ADAM18: variants seen among roughly 807,000 people sequenced by gnomAD.
ADAM18 encodes ADAM metallopeptidase domain 18.
A neutral mutation model predicts 94.4 loss-of-function variants in ADAM18; 117 were observed. The observed-to-expected ratio is 1.24, with a 90% CI of 1.07 to 1.45. ADAM18 has a LOEUF of 1.45. Among genes scored for constraint, ADAM18 ranks in the 40% most tolerant of loss-of-function variants. ADAM18 has a pLI of 0.00. For synonymous variants in ADAM18, 327 were observed against 291.6 expected (o/e 1.12, Z -1.24); for missense variants, 936 against 880.0 (o/e 1.06, Z -0.81).
chr8:39,607,303 T>G (rs1386613059), intron 3 of ADAM18, among the ~76,000 whole-genome samples: 1 of 152,186 alleles, frequency 6.6e-6, no homozygotes, highest in African/African-American at 2.4e-5. Flanking sequence ...ACTGTTTGTA[T>G]CTTGATTTGT....
chr8:39,711,847 T>A (rs1586006540), intron 18 of ADAM18, among the ~76,000 whole-genome samples: 1 of 151,848 alleles, frequency 6.6e-6, no homozygotes, highest in African/African-American at 2.4e-5. Context: ...GAAGGACTAT[T>A]TGAAGACATA....
intron 18 of ADAM18, among the ~76,000 whole-genome samples, chr8:39,707,765 A>G (rs1822281187): frequency 6.6e-6 from 1 of 152,172 alleles, no homozygotes; most frequent in African/African-American, 2.4e-5. Context: ...ATTTGTAAGT[A>G]TACATATACA....
chr8:39,600,064 G>A (rs1335939022), intron 2 of ADAM18, among the ~76,000 whole-genome samples: 1 of 152,002 alleles, frequency 6.6e-6, no homozygotes, highest in Non-Finnish European at 1.5e-5. Context: ...TGTAGATTTT[G>A]TTCAATGCCT....
At chr8:39,588,712 C>A (rs1818481774) in intron 2 of ADAM18, among the ~76,000 whole-genome samples, 1 of 152,076 alleles carries the variant, frequency 6.6e-6, no homozygotes, top group Admixed American at 6.6e-5. Flanking sequence ...GCCTTCTTGC[C>A]AAAGACCATT....
intron 18 of ADAM18, among the ~76,000 whole-genome samples, chr8:39,721,906 C>A (rs1349398555): frequency 2.0e-5 from 3 of 151,032 alleles, no homozygotes; most frequent in African/African-American, 4.8e-5. Context: ...TACTTGCTAG[C>A]TACCCAAAAG....
rs149216729 is a variant in ADAM18 at position 39,607,939 on chromosome 8, A to G, written c.189-1103A>G. ...ACCTTATTCCTCTTAAATAAATGCC[A>G]TATTCACTTATCTGAGTACTTAGTT... On this transcript the variant is annotated intron_variant, in intron 3 of 19. Coordinates refer to ENST00000265707, the MANE Select transcript of ADAM18 (RefSeq NM_014237.3). 6.3e-3 allele frequency among the ~76,000 whole-genome samples: 959 copies of G among 152,054 alleles called. 8 individuals carry two copies. The highest frequency in any genetic ancestry group is 0.022 in the African/African-American group (911 of 41,480).
intron 6 of ADAM18, among the ~76,000 whole-genome samples, chr8:39,612,766 C>A (rs1441368201): frequency 1.3e-5 from 2 of 152,302 alleles, no homozygotes; most frequent in East Asian, 3.9e-4. Context: ...CTCAGATGCC[C>A]AACCTGAATG....
intron 18 of ADAM18, among the ~76,000 whole-genome samples, chr8:39,719,510 G>T (rs1326804878): frequency 6.6e-6 from 1 of 151,090 alleles, no homozygotes; most frequent in African/African-American, 2.4e-5. Context: ...CCACTGTTAG[G>T]GGAATAAAAG....
At position 39,637,413 on chromosome 8, in the gene ADAM18, ATAACT is replaced by A. The variant is rs1820109711; in HGVS notation, c.660+82_660+86del. ...ATTTGGGTTCTATCTTGGCCAATGA[ATAACT>A]TAAATACTTTTTATTAGTTTAATAC... On this transcript the variant is annotated intron_variant, in intron 8 of 19. Coordinates refer to ENST00000265707, the MANE Select transcript of ADAM18 (RefSeq NM_014237.3). 3 of 1,441,730 alleles carry A rather than the reference ATAACT, an allele frequency of 2.1e-6. No homozygotes were observed. The African/African-American group carries it at 4.3e-5, about 21-fold the overall frequency. 89.3% of individuals were successfully genotyped at this position (1,441,730 alleles called of 1,614,324 possible). A position where few individuals can be genotyped will look rare whatever the true frequency, so the allele number is the denominator to read the frequency against.
intron 12 of ADAM18, among the ~76,000 whole-genome samples, chr8:39,657,478 G>A (rs1820720453): frequency 6.6e-6 from 1 of 151,950 alleles, no homozygotes; most frequent in Non-Finnish European, 1.5e-5. Flanking sequence ...TGCCTGGCTA[G>A]TTTTTTCTTT....
chr8:39,602,773 G>A (rs1195271539), intron 2 of ADAM18, among the ~76,000 whole-genome samples: 1 of 141,330 alleles, frequency 7.1e-6, no homozygotes, highest in East Asian at 1.9e-4. Flanking sequence ...TTTTAATAAT[G>A]TCTTTCTTTG....
intron 14 of ADAM18, among the ~76,000 whole-genome samples, chr8:39,674,722 G>C (rs1821252491): frequency 6.6e-6 from 1 of 152,194 alleles, no homozygotes; most frequent in South Asian, 2.1e-4. Context: ...CTACATCGAT[G>C]GTCTTTACAA....
intron 10 of ADAM18, 80 bp from the exon 11 acceptor site, chr8:39,645,258 A>G: frequency 8.1e-7 from 1 of 1,231,276 alleles, no homozygotes; most frequent in Non-Finnish European, 1.1e-6. Context: ...AATAGAAAAT[A>G]TGATAGGAGT....
chr8:39,646,885 AAGT>A (rs1820394983), intron 11 of ADAM18, among the ~76,000 whole-genome samples: 1 of 152,132 alleles, frequency 6.6e-6, no homozygotes, highest in South Asian at 2.1e-4. Flanking sequence ...AAAATATTGA[AAGT>A]AGAAGGAGAA....
intron 6 of ADAM18, among the ~76,000 whole-genome samples, chr8:39,622,684 T>C (rs966073281): frequency 2.6e-5 from 4 of 152,128 alleles, no homozygotes; most frequent in Non-Finnish European, 5.9e-5. Context: ...TTTCATTTCA[T>C]GTCTTATTTA....
intron 2 of ADAM18, among the ~76,000 whole-genome samples, chr8:39,594,547 A>T (rs1309858286): frequency 6.6e-6 from 1 of 151,992 alleles, no homozygotes. Context: ...GAATGTCTTG[A>T]TTATCTCTTC....
intron 2 of ADAM18, among the ~76,000 whole-genome samples, chr8:39,590,282 G>A (rs57369826): frequency 7.5e-4 from 114 of 152,192 alleles, no homozygotes; most frequent in African/African-American, 2.6e-3. Flanking sequence ...CATGTCCTTT[G>A]TGGGGACATG....
intron 2 of ADAM18, among the ~76,000 whole-genome samples, chr8:39,598,277 G>A (rs763816542): frequency 6.6e-6 from 1 of 151,886 alleles, no homozygotes; most frequent in Non-Finnish European, 1.5e-5. Flanking sequence ...CATTGGCTAG[G>A]ACTGGTAGTG....
chr8:39,693,645 T>C (rs1167657721), intron 17 of ADAM18, among the ~76,000 whole-genome samples: 1 of 151,244 alleles, frequency 6.6e-6, no homozygotes, highest in Non-Finnish European at 1.5e-5. Flanking sequence ...TAATATATTA[T>C]TATTTACGTT....
Sources: allele counts gnomAD v4.1 joint callset (sites outside exome capture counted in the v4.1 genomes callset), GRCh38; gene constraint gnomAD v4.1.1; transcripts MANE v1.5; gene names NCBI Gene and HGNC (gene_info 2026-07-23, HGNC 2026-07-21).